The following STX8 variants were observed in gnomAD, a reference collection of about 807,000 sequenced individuals.
STX8 encodes the protein syntaxin-8.
A neutral mutation model predicts 37.5 loss-of-function variants in STX8; 23 were observed. The ratio of observed to expected loss-of-function variants is 0.61; its 90% CI spans 0.44 to 0.87. The LOEUF is 0.87. Ranked by LOEUF, STX8 falls within the 40% of genes least tolerant of loss-of-function variation. The probability of loss-of-function intolerance (pLI) is 0.00; values close to 1 mark genes in which losing one functional copy is unlikely to be tolerated. For synonymous variants in STX8, 115 were observed against 99.1 expected (o/e 1.16, Z -0.95); for missense variants, 313 against 284.7 (o/e 1.10, Z -0.71).
At chr17:9,491,202 A>G (rs1224987551) in intron 6 of STX8, among the ~76,000 whole-genome samples, 1 of 152,046 alleles carries the variant, frequency 6.6e-6, no homozygotes, top group Non-Finnish European at 1.5e-5. Flanking sequence ...GTCTGCTCTC[A>G]AGTTTCCCAA....
At chr17:9,384,162 AAG>A (rs754488073) in intron 6 of STX8, among the ~76,000 whole-genome samples, 5 of 151,728 alleles carry the variant, frequency 3.3e-5, no homozygotes, top group Non-Finnish European at 5.9e-5. Flanking sequence ...GCTCATTTAT[AAG>A]AGAGAACACG....
chr17:9,308,521 G>A (rs549559351), intron 7 of STX8, among the ~76,000 whole-genome samples: 21 of 152,108 alleles, frequency 1.4e-4, no homozygotes, highest in African/African-American at 2.9e-4. Context: ...TCAGGAGTTC[G>A]AGACCAGCCT....
intron 7 of STX8, among the ~76,000 whole-genome samples, chr17:9,362,900 A>G (rs1022972540): frequency 5.9e-5 from 9 of 151,966 alleles, no homozygotes; most frequent in Admixed American, 2.0e-4. Context: ...GAGAAAAACT[A>G]TATATGTTTG....
intron 7 of STX8, among the ~76,000 whole-genome samples, chr17:9,331,220 A>G (rs1394902483): frequency 1.3e-5 from 2 of 152,190 alleles, no homozygotes; most frequent in Non-Finnish European, 2.9e-5. Flanking sequence ...GCATATGTAC[A>G]TATATCACAT....
At chr17:9,484,473 T>C (rs1906490789) in intron 6 of STX8, among the ~76,000 whole-genome samples, 1 of 150,152 alleles carries the variant, frequency 6.7e-6, no homozygotes, top group Non-Finnish European at 1.5e-5. Context: ...GGAAGAACAG[T>C]AATTGGCAGG....
intron 2 of STX8, among the ~76,000 whole-genome samples, chr17:9,558,406 C>T (rs1907067540): frequency 1.3e-5 from 2 of 152,192 alleles, no homozygotes. Flanking sequence ...AGACTGCACA[C>T]ATCCAGCAGC....
At chr17:9,497,612 T>C (rs1215395572) in intron 5 of STX8, among the ~76,000 whole-genome samples, 1 of 147,276 alleles carries the variant, frequency 6.8e-6, no homozygotes, top group African/African-American at 2.5e-5. Flanking sequence ...TATTACACGT[T>C]TGAAATTTTC....
chr17:9,417,174 G>A (rs1913231124), intron 6 of STX8, among the ~76,000 whole-genome samples: 1 of 152,146 alleles, frequency 6.6e-6, no homozygotes, highest in Admixed American at 6.5e-5. Context: ...CTGTCCTTCT[G>A]CTTGGTTAGC....
At chr17:9,261,280 A>C (rs1907023165) in intron 7 of STX8, among the ~76,000 whole-genome samples, 1 of 152,232 alleles carries the variant, frequency 6.6e-6, no homozygotes, top group Non-Finnish European at 1.5e-5. Context: ...GAGTCAGGTC[A>C]GAGTGGCTGG....
chr17:9,280,831 G>T (rs536052790), intron 7 of STX8, among the ~76,000 whole-genome samples: 3 of 152,306 alleles, frequency 2.0e-5, no homozygotes, highest in African/African-American at 7.2e-5. Context: ...TTCTCAATCT[G>T]CAGGCAAGGA....
At chr17:9,422,813 C>T (rs1913489814) in intron 6 of STX8, among the ~76,000 whole-genome samples, 1 of 152,184 alleles carries the variant, frequency 6.6e-6, no homozygotes, top group African/African-American at 2.4e-5. Flanking sequence ...TAGTTTATAC[C>T]ATCTACCTTC....
intron 6 of STX8, chr17:9,452,456 G>C (rs1905072315): frequency 6.6e-6 from 1 of 152,150 alleles, no homozygotes; most frequent in South Asian, 2.1e-4. Flanking sequence ...GATACAGCCT[G>C]TGAGAAGGAA....
intron 7 of STX8, among the ~76,000 whole-genome samples, chr17:9,281,637 A>G (rs1156638091): frequency 6.6e-6 from 1 of 152,192 alleles, no homozygotes; most frequent in Admixed American, 6.5e-5. Context: ...TGGAGTGACT[A>G]TAAAAATATT....
At chr17:9,342,522 T>C (rs566742063) in intron 7 of STX8, among the ~76,000 whole-genome samples, 1 of 152,122 alleles carries the variant, frequency 6.6e-6, no homozygotes, top group Admixed American at 6.5e-5. Context: ...GAGCTCCACA[T>C]AGGAAAGGAA....
At chr17:9,558,818 G>A (rs572349737) in intron 2 of STX8, among the ~76,000 whole-genome samples, 8 of 147,526 alleles carry the variant, frequency 5.4e-5, no homozygotes, top group Admixed American at 3.3e-4. Context: ...GCGAGACTCC[G>A]TCTCAAAAAA....
chr17:9,253,444 T>C (rs1356001819), intron 7 of STX8, among the ~76,000 whole-genome samples: 1 of 152,154 alleles, frequency 6.6e-6, no homozygotes, highest in Non-Finnish European at 1.5e-5. Context: ...TTCTTGGTTA[T>C]TCTGGTGCCT....
intron 7 of STX8, among the ~76,000 whole-genome samples, chr17:9,270,524 G>A (rs1208891653): frequency 6.6e-6 from 1 of 152,110 alleles, no homozygotes; most frequent in Non-Finnish European, 1.5e-5. Flanking sequence ...AAAGTGCTGG[G>A]ATTACAGGCG....
At position 9,514,433 on chromosome 17, in the gene STX8, T is replaced by C. The variant is rs778988481; in HGVS notation, c.324-9271A>G. ...CAGCCCGGCCAACATGGTAAAACCC[T>C]GTCTCTACTAAAAACACAAAAATTA... On this transcript the variant is annotated intron_variant, in intron 4 of 7. Transcript: ENST00000306357. Among the ~76,000 whole-genome samples the C allele has an allele frequency of 1.7e-4, 26 of 152,050 alleles. 1 individual carries two copies. Among genetic ancestry groups the C allele is most frequent in the Admixed American group, 1.2e-3 (19 of 15,262 alleles).
rs184942287 is a variant in STX8 at position 9,268,325 on chromosome 17, C to T, written c.644-17680G>A. Among the ~76,000 whole-genome samples, 510 of 151,758 alleles carry T rather than the reference C, an allele frequency of 3.4e-3. 4 individuals carry two copies. Among genetic ancestry groups the T allele is most frequent in the African/African-American group, 0.012 (483 of 41,358 alleles). The stretch of plus-strand genomic sequence containing the variant: ...GAGAGAGAGAGAGACTTCAAAGTTG[C>T]TCTACACTGGATCGTGGAAAAGGAG... On this transcript the variant is annotated intron_variant, in intron 7 of 7. Coordinates refer to ENST00000306357, the MANE Select transcript of STX8 (RefSeq NM_004853.3).
Sources: gnomAD v4.1 joint callset for allele counts (sites outside exome capture counted in the v4.1 genomes callset) on GRCh38, gnomAD v4.1.1 for gene constraint, MANE v1.5 for transcripts, NCBI Gene and HGNC (gene_info 2026-07-23, HGNC 2026-07-21) for gene names.